The following SLC44A1 variants were observed in gnomAD, a reference collection of about 807,000 sequenced individuals.
SLC44A1 encodes choline transporter-like protein 1.
In SLC44A1, 26 loss-of-function variants were observed where a neutral mutation model predicts 79.3. That is an observed-to-expected ratio of 0.33 (90% CI 0.24 to 0.46). The LOEUF (loss-of-function observed/expected upper bound fraction) is 0.46. Among genes scored for constraint, SLC44A1 ranks in the 20% least tolerant of loss-of-function variants. SLC44A1 has a pLI of 1.00. For missense variants in SLC44A1, 688 were observed against 798.1 expected, an observed-to-expected ratio of 0.86 and a Z score of 1.66; for synonymous variants, 263 against 286.2, an observed-to-expected ratio of 0.92 and a Z score of 0.82.
At chr9:105,329,161 G>T (rs1370394802) in intron 3 of SLC44A1, among the ~76,000 whole-genome samples, 1 of 152,126 alleles carries the variant, frequency 6.6e-6, no homozygotes, top group Admixed American at 6.5e-5. Context: ...AGTTTGGTAT[G>T]ATTCACTCAC....
At chr9:105,328,228 G>A (rs1178515015) in intron 3 of SLC44A1, among the ~76,000 whole-genome samples, 4 of 152,200 alleles carry the variant, frequency 2.6e-5, no homozygotes, top group African/African-American at 9.7e-5. Flanking sequence ...TCTACTAGTG[G>A]TGGTGGTGGA....
chr9:105,402,339 GC>G (rs759279735), downstream of SLC44A1, among the ~76,000 whole-genome samples: 1 of 152,252 alleles, frequency 6.6e-6, no homozygotes, highest in Non-Finnish European at 1.5e-5. Flanking sequence ...AATCCAACAG[GC>G]TTGGTGACTA....
At chr9:105,318,630 C>G (rs1340693742) in intron 3 of SLC44A1, among the ~76,000 whole-genome samples, 1 of 152,062 alleles carries the variant, frequency 6.6e-6, no homozygotes, top group Non-Finnish European at 1.5e-5. Flanking sequence ...TTTTTAAACT[C>G]TTTACAAAGG....
intron 15 of SLC44A1, among the ~76,000 whole-genome samples, chr9:105,411,452 A>G (rs111469345): frequency 0.015 from 1,969 of 127,580 alleles, 56 homozygotes; most frequent in African/African-American, 0.058. Flanking sequence ...CTCTCTGTGT[A>G]TGTGTGTGTG....
intron 1 of SLC44A1, among the ~76,000 whole-genome samples, chr9:105,291,784 A>G (rs186829394): frequency 1.3e-5 from 2 of 152,294 alleles, no homozygotes; most frequent in East Asian, 3.9e-4. Context: ...GTCATGAGGT[A>G]TAGGCTTCAG....
rs980975625 is a variant in SLC44A1, at chr9:105,412,608, C to CT, written c.1951-25662dup. On this transcript the variant is annotated intron_variant, in intron 15 of 15. Transcript: ENST00000374724. ...CAGGAGAAAGGAAATGACTGCATTA[C>CT]TTTTTTTTTTTGAGATGGAGTCTCA... 4.5e-3 allele frequency among the ~76,000 whole-genome samples: 666 copies of CT among 147,396 alleles called. 5 individuals carry two copies. Among genetic ancestry groups the CT allele is most frequent in the African/African-American group, 0.015 (591 of 40,452 alleles).
chr9:105,421,702 C>A (rs1013916383), intron 15 of SLC44A1, among the ~76,000 whole-genome samples: 7 of 151,936 alleles, frequency 4.6e-5, no homozygotes, highest in Admixed American at 6.6e-5. Context: ...ATTCTCCTGC[C>A]TCAGCCTCCC....
At chr9:105,280,175 A>C (rs1830316434) in intron 1 of SLC44A1, among the ~76,000 whole-genome samples, 1 of 152,242 alleles carries the variant, frequency 6.6e-6, no homozygotes, top group African/African-American at 2.4e-5. Context: ...CTAAGCAAGA[A>C]GCATAAAGGG....
chr9:105,252,074 T>G (rs1156294128), intron 1 of SLC44A1, among the ~76,000 whole-genome samples: 4 of 152,224 alleles, frequency 2.6e-5, no homozygotes, highest in Admixed American at 2.0e-4. Flanking sequence ...TTTAATAAAT[T>G]ATGAAATTTT....
intron 1 of SLC44A1, among the ~76,000 whole-genome samples, chr9:105,246,163 G>A (rs956065346): frequency 2.0e-5 from 3 of 152,092 alleles, no homozygotes; most frequent in African/African-American, 4.8e-5. Context: ...AGTTTGGGGG[G>A]AAAAAATTCC....
At chr9:105,319,540 T>C (rs1826319853) in intron 3 of SLC44A1, among the ~76,000 whole-genome samples, 1 of 152,156 alleles carries the variant, frequency 6.6e-6, no homozygotes, top group African/African-American at 2.4e-5. Flanking sequence ...CCAGCTCCTC[T>C]GGTCAATTTG....
In SLC44A1 at chr9:105,390,002, T is replaced by C. The variant is rs537326385; in HGVS notation, c.*946T>C. 2 of 1,413,650 alleles carry C rather than the reference T, an allele frequency of 1.4e-6. No homozygotes were observed. Among genetic ancestry groups the C allele is most frequent in the East Asian group, 5.6e-5 (2 of 35,944 alleles). The allele number at this position is 1,413,650 out of a possible 1,614,324, so 87.6% of individuals were successfully genotyped here. ...GGCTTCGGCTTCAGAGTAACGTCAG[T>C]GGCTTAGGGTTAAACGGCCATTTTA... is the stretch of plus-strand genomic sequence containing the variant. On this transcript the variant is annotated 3_prime_UTR_variant, in exon 16 of 16. Transcript: ENST00000374720.
At chr9:105,246,996 A>G (rs906469941) in intron 1 of SLC44A1, among the ~76,000 whole-genome samples, 4 of 152,098 alleles carry the variant, frequency 2.6e-5, no homozygotes, top group Non-Finnish European at 4.4e-5. Context: ...CCTATAACCA[A>G]TCAACAGCTG....
At chr9:105,258,278 C>A (rs372550752) in intron 1 of SLC44A1, among the ~76,000 whole-genome samples, 1 of 152,052 alleles carries the variant, frequency 6.6e-6, no homozygotes, top group Non-Finnish European at 1.5e-5. Flanking sequence ...TACCTCCAGG[C>A]GGTATTTTCC....
At chr9:105,304,200 C>G (rs1055548563) in intron 2 of SLC44A1, among the ~76,000 whole-genome samples, 2 of 152,076 alleles carry the variant, frequency 1.3e-5, no homozygotes, top group African/African-American at 4.8e-5. Flanking sequence ...TGATTTACTT[C>G]CCAGGGCATG....
At chr9:105,255,827 G>A (rs1829691048) in intron 1 of SLC44A1, among the ~76,000 whole-genome samples, 1 of 152,100 alleles carries the variant, frequency 6.6e-6, no homozygotes, top group Non-Finnish European at 1.5e-5. Context: ...AGTTTCACCA[G>A]CTATAAAATA....
intron 13 of SLC44A1, among the ~76,000 whole-genome samples, chr9:105,381,176 G>A (rs1278378348): frequency 1.3e-5 from 2 of 152,050 alleles, no homozygotes; most frequent in Non-Finnish European, 2.9e-5. Context: ...CTCCAAGAGG[G>A]TGAATGTGCA....
chr9:105,296,660 C>CCA (rs1830730075), intron 1 of SLC44A1, among the ~76,000 whole-genome samples: 1 of 152,112 alleles, frequency 6.6e-6, no homozygotes, highest in South Asian at 2.1e-4. Context: ...AAACATGTGT[C>CCA]CAAATTCTCT....
intron 13 of SLC44A1, 141 bp from the exon 14 acceptor site, chr9:105,382,982 A>G: frequency 8.0e-6 from 5 of 623,338 alleles, no homozygotes; most frequent in Admixed American, 2.7e-5. Context: ...GAATATGTGG[A>G]TTATATTTCC....
Sources: gnomAD v4.1 joint callset for allele counts (sites outside exome capture counted in the v4.1 genomes callset) on GRCh38, gnomAD v4.1.1 for gene constraint, MANE v1.5 for transcripts, NCBI Gene and HGNC (gene_info 2026-07-23, HGNC 2026-07-21) for gene names.